NCS1: variants seen among roughly 807,000 people sequenced by gnomAD.
NCS1 encodes frequenin homolog.
In NCS1, 6 loss-of-function variants were observed where a neutral mutation model predicts 28.4. The ratio of observed to expected loss-of-function variants is 0.21; its 90% confidence interval spans 0.12 to 0.42. The LOEUF (loss-of-function observed/expected upper bound fraction) is 0.42. Among genes scored for constraint, NCS1 ranks in the 10% least tolerant of loss-of-function variants. The pLI, the probability that NCS1 is intolerant of heterozygous loss-of-function variation, is 1.00. For synonymous variants in NCS1, 86 were observed against 99.3 expected (o/e 0.87, Z 0.79); for missense variants, 131 against 241.4 (o/e 0.54, Z 3.03).
intron 2 of NCS1, among the ~76,000 whole-genome samples, chr9:130,204,829 AC>A (rs1309758176): frequency 1.3e-5 from 2 of 152,148 alleles, no homozygotes; most frequent in African/African-American, 4.8e-5. Flanking sequence ...CATCCGTGGA[AC>A]CCAAAGAACA....
intron 2 of NCS1, among the ~76,000 whole-genome samples, chr9:130,206,016 GTATTCTACAA>G (rs1378801494): frequency 3.9e-5 from 6 of 152,048 alleles, no homozygotes; most frequent in Admixed American, 3.9e-4. Flanking sequence ...CTTCACTGTT[GTATTCTACAA>G]TGGTCCCATC....
intron 2 of NCS1, among the ~76,000 whole-genome samples, chr9:130,201,284 G>C (rs999983027): frequency 1.3e-5 from 2 of 152,188 alleles, no homozygotes; most frequent in Non-Finnish European, 2.9e-5. Context: ...AAAGAGAAGG[G>C]TTTGGATAAG....
At position 130,219,468 on chromosome 9, in the gene NCS1, G is replaced by A. The variant is rs777844078; in HGVS notation, c.229-257G>A. Among the ~76,000 whole-genome samples the A allele has an allele frequency of 2.8e-4, 42 of 152,074 alleles. No individual in the cohort carries two copies. Among genetic ancestry groups the A allele is most frequent in the Non-Finnish European group, 4.3e-4 (29 of 67,998 alleles). On this transcript the variant is annotated intron_variant, in intron 3 of 7. Transcript: ENST00000372398. This position sits in a 1 kb window ranked among gnomAD's most constrained non-coding sequence, Gnocchi z 5.7. Reference sequence around the variant, plus strand: ...CATCAAGAGTGGAGTAAGCCTCTCCGTTCAGCCTCAGTCCTTCTTCCTGTG... The same window carrying A: ...CATCAAGAGTGGAGTAAGCCTCTCCATTCAGCCTCAGTCCTTCTTCCTGTG...
At position 130,232,807 on chromosome 9, in the gene NCS1, A is replaced by C. The variant is rs1294808570; in HGVS notation, c.*18-183A>C. On this transcript the variant is annotated intron_variant, in intron 7 of 7. Transcript: ENST00000372398. This position sits in a 1 kb window ranked among gnomAD's most constrained non-coding sequence, Gnocchi z 4.4. Reference sequence around the variant, plus strand: ...ACTCAAAAAAAAGCAAACAAAAAAAAACCAAAAAACCCAAAGGGTGCCTCA... The same window carrying C: ...ACTCAAAAAAAAGCAAACAAAAAAACACCAAAAAACCCAAAGGGTGCCTCA... Among the ~76,000 whole-genome samples, 3 of 149,214 alleles carry C rather than the reference A, an allele frequency of 2.0e-5. No homozygotes were observed. Among genetic ancestry groups the C allele is most frequent in the Non-Finnish European group, 4.5e-5 (3 of 66,902 alleles).
rs1035819318 is a variant in NCS1 at position 130,219,591 on chromosome 9, C to G, written c.229-134C>G. The G allele has an allele frequency of 1.2e-5, 9 of 779,452 alleles. No homozygotes were observed. The highest frequency in any genetic ancestry group is 6.0e-5 in the Admixed American group (3 of 49,698). The allele number at this position is 779,452 out of a possible 1,614,324, so 48.3% of individuals were successfully genotyped here. ...CCTCTCGCCCCCCATTCCTTCGAGC[C>G]TGCCCTCTCCACCTGAGTGTCCATT... On this transcript the variant is annotated intron_variant, in intron 3 of 7. Transcript: ENST00000372398. The surrounding 1 kb of genome is among the most constrained non-coding windows in gnomAD (Gnocchi z 5.7).
At chr9:130,196,289 A>G (rs1554906818) in intron 1 of NCS1, among the ~76,000 whole-genome samples, 2 of 152,196 alleles carry the variant, frequency 1.3e-5, no homozygotes, top group African/African-American at 4.8e-5. Flanking sequence ...ATCAAGAGGA[A>G]CATTGATGTG....
rs1554909265 is a variant in NCS1 at position 130,215,853 on chromosome 9, G to T, written c.90-1979G>T. Among the ~76,000 whole-genome samples the T allele has an allele frequency of 6.6e-6, 1 of 152,146 alleles. No homozygotes were observed. Among genetic ancestry groups the T allele is most frequent in the African/African-American group, 2.4e-5 (1 of 41,438 alleles). On this transcript the variant is annotated intron_variant, in intron 2 of 7. Coordinates refer to ENST00000372398, the MANE Select transcript of NCS1 (RefSeq NM_014286.4). The surrounding 1 kb of genome is among the most constrained non-coding windows in gnomAD (Gnocchi z 4.2). Reference sequence around the variant, plus strand: ...CAGCCTCCTGCTTGCTGTGGGCACTGCTGGGACGGTCATGTGCCCGCTATG... The same window carrying T: ...CAGCCTCCTGCTTGCTGTGGGCACTTCTGGGACGGTCATGTGCCCGCTATG...
rs10119970 is a variant in NCS1 at position 130,222,748 on chromosome 9, C to T, written c.396+10C>T. On this transcript the variant is annotated intron_variant, in intron 5 of 7. Coordinates refer to ENST00000372398, the MANE Select transcript of NCS1 (RefSeq NM_014286.4). Reference sequence around the variant, plus strand: ...CATTTACCAGATGGTGGTGAGAAGCCGGGTCTCGTGTGGTTAGGGGTGGCA... The same window carrying T: ...CATTTACCAGATGGTGGTGAGAAGCTGGGTCTCGTGTGGTTAGGGGTGGCA... 527 of 1,613,656 alleles carry T rather than the reference C, an allele frequency of 3.3e-4. 1 individual carries two copies. In the African/African-American group the frequency reaches 6.1e-3, roughly 19 times the overall value.
chr9:130,214,177 T>C (rs1232340622), intron 2 of NCS1, among the ~76,000 whole-genome samples: 1 of 152,176 alleles, frequency 6.6e-6, no homozygotes, highest in Non-Finnish European at 1.5e-5. Flanking sequence ...TGGTACAGGC[T>C]CTGCTGGGAC....
At chr9:130,195,166 G>C (rs569152373) in intron 1 of NCS1, among the ~76,000 whole-genome samples, 1 of 152,302 alleles carries the variant, frequency 6.6e-6, no homozygotes, top group East Asian at 1.9e-4. Flanking sequence ...AGCAAACCAA[G>C]GCTCAGAGAT....
chr9:130,230,938 C>T (rs1833493459), intron 7 of NCS1, among the ~76,000 whole-genome samples: 2 of 152,182 alleles, frequency 1.3e-5, no homozygotes, highest in South Asian at 2.1e-4. Context: ...TCCTTAATAT[C>T]CTCTGATCTC....
At position 130,212,878 on chromosome 9, in the gene NCS1, C is replaced by T. The variant is rs539605632; in HGVS notation, c.90-4954C>T. ...GCCAGCCGGTGGCAGATGGGTGGCA[C>T]GTCAGGCTGGGACCATGGTGTGAAA... On this transcript the variant is annotated intron_variant, in intron 2 of 7. Coordinates refer to ENST00000372398, the MANE Select transcript of NCS1 (RefSeq NM_014286.4). 4.6e-5 allele frequency among the ~76,000 whole-genome samples: 7 copies of T among 152,190 alleles called. No individual in the cohort carries two copies. In the East Asian group the frequency reaches 9.7e-4, roughly 21 times the overall value.
At position 130,191,698 on chromosome 9, in the gene NCS1, A is replaced by C. The variant is rs1237227000; in HGVS notation, c.65-9260A>C. ...TTCAGGCTGGTGCCGGGCAGACCGC[A>C]GTCAGCACCCGATGGCGACAGTGGC... On this transcript the variant is annotated intron_variant, in intron 1 of 7. Transcript: ENST00000372398. This position sits in a 1 kb window ranked among gnomAD's most constrained non-coding sequence, Gnocchi z 6.4. Among the ~76,000 whole-genome samples, 2 of 152,242 alleles carry C rather than the reference A, an allele frequency of 1.3e-5. No homozygotes were observed. Among genetic ancestry groups the C allele is most frequent in the Non-Finnish European group, 2.9e-5 (2 of 68,044 alleles).
At chr9:130,190,673 C>T (rs1328449443) in intron 1 of NCS1, among the ~76,000 whole-genome samples, 1 of 152,166 alleles carries the variant, frequency 6.6e-6, no homozygotes, top group Admixed American at 6.5e-5. Flanking sequence ...TGACAGCGTG[C>T]GGGAGGTGGG....
At chr9:130,223,237 G>T in intron 6 of NCS1, 78 bp downstream of exon 6, 1 of 1,414,694 alleles carries the variant, frequency 7.1e-7, no homozygotes, top group East Asian at 2.3e-5. Flanking sequence ...CCTGGATCCT[G>T]GGCCTGGCTT....
intron 2 of NCS1, among the ~76,000 whole-genome samples, chr9:130,208,661 G>A (rs1386311604): frequency 6.6e-6 from 1 of 152,222 alleles, no homozygotes; most frequent in Non-Finnish European, 1.5e-5. Context: ...GAGGAATTCT[G>A]TCCTCGCATC....
At chr9:130,200,657 A>C (rs1414015097) in intron 1 of NCS1, 2 of 1,551,860 alleles carry the variant, frequency 1.3e-6, no homozygotes, top group Non-Finnish European at 1.7e-6. Context: ...TGGGAGAAGC[A>C]AACCCTTGAG....
intron 2 of NCS1, among the ~76,000 whole-genome samples, chr9:130,216,779 A>T (rs1833195984): frequency 6.6e-6 from 1 of 150,586 alleles, no homozygotes; most frequent in Non-Finnish European, 1.5e-5. Flanking sequence ...ATCCTGGGAG[A>T]GTAAGGTGTG....
intron 1 of NCS1, among the ~76,000 whole-genome samples, chr9:130,184,370 C>T (rs1391949411): frequency 6.6e-6 from 1 of 152,108 alleles, no homozygotes; most frequent in Non-Finnish European, 1.5e-5. Context: ...CTTGGTCTGG[C>T]CTTTCCCACC....
Sources: allele counts gnomAD v4.1 joint callset (sites outside exome capture counted in the v4.1 genomes callset), GRCh38; gene constraint gnomAD v4.1.1; non-coding constraint Gnocchi (gnomAD v3.1); transcripts MANE v1.5; gene names NCBI Gene and HGNC (gene_info 2026-07-23, HGNC 2026-07-21).